ADAMTSL1: variants seen among roughly 807,000 people sequenced by gnomAD.
The protein encoded by ADAMTSL1 is ADAMTS-like protein 1.
In ADAMTSL1, 126 loss-of-function variants were observed where a neutral mutation model predicts 201.8. The observed-to-expected ratio is 0.62, with a 90% CI of 0.54 to 0.72. The LOEUF (loss-of-function observed/expected upper bound fraction) is 0.72. Ranked by LOEUF, ADAMTSL1 falls within the 30% of genes least tolerant of loss-of-function variation. The pLI, the probability that ADAMTSL1 is intolerant of heterozygous loss-of-function variation, is 0.00. For synonymous variants in ADAMTSL1, 1,121 were observed against 903.4 expected, an observed-to-expected ratio of 1.24 and a Z score of -4.32; for missense variants, 2,679 against 2,277.8, an observed-to-expected ratio of 1.18 and a Z score of -3.59.
intron 2 of ADAMTSL1, among the ~76,000 whole-genome samples, chr9:18,278,242 G>A (rs1285495590): frequency 6.6e-6 from 1 of 152,134 alleles, no homozygotes; most frequent in Non-Finnish European, 1.5e-5. Context: ...GATGTTTATA[G>A]TGGTTTTTAT....
intron 15 of ADAMTSL1, among the ~76,000 whole-genome samples, chr9:18,735,522 C>G (rs1443635353): frequency 6.6e-6 from 1 of 152,148 alleles, no homozygotes; most frequent in Non-Finnish European, 1.5e-5. Flanking sequence ...CACAGAGAAA[C>G]AGCAATGCTA....
At chr9:18,274,495 G>T (rs1279621259) in intron 2 of ADAMTSL1, among the ~76,000 whole-genome samples, 1 of 152,030 alleles carries the variant, frequency 6.6e-6, no homozygotes, top group Non-Finnish European at 1.5e-5. Flanking sequence ...AAAGAAATCT[G>T]CAATGTCTGA....
At chr9:18,014,877 G>T (rs1464521244) in intron 1 of ADAMTSL1, among the ~76,000 whole-genome samples, 2 of 151,970 alleles carry the variant, frequency 1.3e-5, no homozygotes, top group Non-Finnish European at 2.9e-5. Flanking sequence ...CACTTACTCT[G>T]TGGGGGCTCC....
intron 2 of ADAMTSL1, among the ~76,000 whole-genome samples, chr9:18,306,701 AC>A (rs1833921874): frequency 6.6e-6 from 1 of 152,164 alleles, no homozygotes; most frequent in Non-Finnish European, 1.5e-5. Flanking sequence ...ATGTGAAAAG[AC>A]CAAATCTACG....
At position 17,910,809 on chromosome 9, in the gene ADAMTSL1, C is replaced by G; in HGVS notation, c.87+3887C>G. Among the ~76,000 whole-genome samples, 2 of 69,102 alleles carry G rather than the reference C, an allele frequency of 2.9e-5. 1 individual carries two copies. The highest frequency in any genetic ancestry group is 8.8e-5 in the Non-Finnish European group (2 of 22,602). The allele number at this position is 69,102 out of a possible 152,430, so 45.3% of individuals were successfully genotyped here. A position where few individuals can be genotyped will look rare whatever the true frequency, so the allele number is the denominator to read the frequency against. ...CATTATATTTAACCATCAAATTAAA[C>G]AGATCAGAAATTTGAGGATACTTAA... On this transcript the variant is annotated intron_variant, in intron 1 of 29. Coordinates refer to the ADAMTSL1 transcript ENST00000680146.
chr9:18,455,551 T>C (rs139551342), intron 2 of ADAMTSL1, among the ~76,000 whole-genome samples: 42 of 152,112 alleles, frequency 2.8e-4, no homozygotes, highest in Non-Finnish European at 5.1e-4. Context: ...AGGACAGCCA[T>C]ACAGGTAGGT....
intron 2 of ADAMTSL1, among the ~76,000 whole-genome samples, chr9:18,355,938 C>T (rs1033297624): frequency 1.3e-5 from 2 of 152,214 alleles, no homozygotes; most frequent in Non-Finnish European, 2.9e-5. Flanking sequence ...CCAGTGACGC[C>T]CTGCCTGGGC....
At chr9:18,611,952 C>T (rs1182657671) in intron 4 of ADAMTSL1, among the ~76,000 whole-genome samples, 1 of 151,962 alleles carries the variant, frequency 6.6e-6, no homozygotes, top group Non-Finnish European at 1.5e-5. Context: ...TCGGAGCTCA[C>T]AAAAGGTAAA....
chr9:18,157,635 C>T (rs1305089234), intron 1 of ADAMTSL1, among the ~76,000 whole-genome samples: 2 of 151,966 alleles, frequency 1.3e-5, no homozygotes, highest in African/African-American at 4.8e-5. Context: ...TCAGCTCTAA[C>T]CTCTTAGCAA....
chr9:18,540,457 G>C (rs1030464458), intron 3 of ADAMTSL1, among the ~76,000 whole-genome samples: 1 of 152,170 alleles, frequency 6.6e-6, no homozygotes, highest in Non-Finnish European at 1.5e-5. Flanking sequence ...TCTCTGAGTT[G>C]ACATTTAAAT....
intron 4 of ADAMTSL1, among the ~76,000 whole-genome samples, chr9:18,584,457 G>C (rs139160097): frequency 3.3e-5 from 5 of 152,138 alleles, no homozygotes; most frequent in African/African-American, 1.2e-4. Flanking sequence ...CAGCAGCATG[G>C]AAACAGACTA....
At chr9:18,365,726 G>T (rs1229915799) in intron 2 of ADAMTSL1, among the ~76,000 whole-genome samples, 1 of 152,130 alleles carries the variant, frequency 6.6e-6, no homozygotes, top group Non-Finnish European at 1.5e-5. Flanking sequence ...TTTACGGCAG[G>T]GGTGTCCATC....
intron 19 of ADAMTSL1, among the ~76,000 whole-genome samples, chr9:18,780,647 A>T (rs563051400): frequency 6.6e-6 from 1 of 152,282 alleles, no homozygotes; most frequent in African/African-American, 2.4e-5. Context: ...AATTTGGTAT[A>T]CATCCTTTTA....
At chr9:18,213,489 A>G (rs958555294) in intron 2 of ADAMTSL1, among the ~76,000 whole-genome samples, 12 of 152,194 alleles carry the variant, frequency 7.9e-5, no homozygotes, top group Non-Finnish European at 1.3e-4. Flanking sequence ...CTTTGAGATG[A>G]TGCTGAAAAG....
At chr9:18,239,381 G>T (rs1161531932) in intron 2 of ADAMTSL1, among the ~76,000 whole-genome samples, 1 of 152,180 alleles carries the variant, frequency 6.6e-6, no homozygotes, top group African/African-American at 2.4e-5. Flanking sequence ...AATATTTTAA[G>T]TAATTTGTTG....
Position 18,281,294 on chromosome 9 carries a change from C to T in ADAMTSL1, c.207+117313C>T, listed in dbSNP as rs1195737980. ...GGGAAAAGATATATATATATATTTACACTCACCAGACTATGGAGGATTCAC... is the reference window on the plus strand; with the variant it reads ...GGGAAAAGATATATATATATATTTATACTCACCAGACTATGGAGGATTCAC... On this transcript the variant is annotated intron_variant, in intron 2 of 29. Coordinates refer to the ADAMTSL1 transcript ENST00000680146. 3.3e-5 allele frequency among the ~76,000 whole-genome samples: 5 copies of T among 152,046 alleles called. No individual in the cohort carries two copies. The South Asian group carries it at 6.2e-4, about 19-fold the overall frequency.
At chr9:18,150,399 A>C (rs192264274) in intron 1 of ADAMTSL1, among the ~76,000 whole-genome samples, 1 of 152,208 alleles carries the variant, frequency 6.6e-6, no homozygotes, top group East Asian at 1.9e-4. Flanking sequence ...TGAAATGAAG[A>C]CTGGAAAATG....
intron 1 of ADAMTSL1, among the ~76,000 whole-genome samples, chr9:17,976,471 C>G (rs1244202864): frequency 1.3e-5 from 2 of 151,774 alleles, no homozygotes; most frequent in Non-Finnish European, 2.9e-5. Flanking sequence ...CTAAGTATCA[C>G]ATTCTTTTTG....
At chr9:18,715,714 T>A (rs931429960) in intron 14 of ADAMTSL1, among the ~76,000 whole-genome samples, 3 of 152,050 alleles carry the variant, frequency 2.0e-5, no homozygotes, top group Non-Finnish European at 2.9e-5. Context: ...AATGACTTTC[T>A]TCACAGAATT....
Sources: gnomAD v4.1 joint callset for allele counts (sites outside exome capture counted in the v4.1 genomes callset) on GRCh38, gnomAD v4.1.1 for gene constraint, MANE v1.5 for transcripts, NCBI Gene and HGNC (gene_info 2026-07-23, HGNC 2026-07-21) for gene names.